Variants in TANGO6 observed in about 807,000 individuals in gnomAD.
The protein encoded by TANGO6 is transport and Golgi organization protein 6 homolog.
Under a neutral mutation model 114.2 loss-of-function variants are expected in TANGO6, and 90 were observed. The observed-to-expected ratio is 0.79, with a 90% confidence interval of 0.66 to 0.94. The LOEUF (loss-of-function observed/expected upper bound fraction) is 0.94. TANGO6 is among the 40% of genes least tolerant of loss of function. The probability of loss-of-function intolerance (pLI) is 0.00; values close to 1 mark genes in which losing one functional copy is unlikely to be tolerated. For synonymous variants in TANGO6, 477 were observed against 509.8 expected (o/e 0.94, Z 0.87); for missense variants, 1,274 against 1,315.3 (o/e 0.97, Z 0.49).
At chr16:68,992,843 T>C (rs948641529) in intron 15 of TANGO6, among the ~76,000 whole-genome samples, 3 of 152,102 alleles carry the variant, frequency 2.0e-5, no homozygotes, top group Admixed American at 2.0e-4. Flanking sequence ...CCAAGGCAGG[T>C]GGACCACCTG....
intron 7 of TANGO6, among the ~76,000 whole-genome samples, chr16:68,889,781 A>G (rs925569293): frequency 1.3e-5 from 2 of 152,204 alleles, no homozygotes; most frequent in African/African-American, 4.8e-5. Flanking sequence ...ACTTTAGGTA[A>G]CTTATTTAAC....
chr16:69,072,026 CGTGTGTGTGTGTGTGTGTGTGTGT>C (rs58310609), intron 17 of TANGO6, among the ~76,000 whole-genome samples: 1 of 92,984 alleles, frequency 1.1e-5, no homozygotes, highest in African/African-American at 4.9e-5. Context: ...AGAGGGAGAC[CGTGTGTGTGTGTGTGTGTGTGTGT>C]GTGTGTGTGT....
intron 15 of TANGO6, among the ~76,000 whole-genome samples, chr16:68,990,709 C>G (rs1388929322): frequency 6.6e-6 from 1 of 152,154 alleles, no homozygotes; most frequent in Non-Finnish European, 1.5e-5. Flanking sequence ...GCCTGGCTAC[C>G]ATTCTCATTC....
chr16:68,977,312 GT>G (rs373558423), intron 15 of TANGO6, among the ~76,000 whole-genome samples: 13,421 of 145,212 alleles, frequency 0.092, 678 homozygotes, highest in African/African-American at 0.14. Flanking sequence ...TTTTGTTTTT[GT>G]TTTTTTTTTT....
rs947524127 is a variant in TANGO6, at chr16:69,020,104, AT to A, written c.2843-2718del. ...CCTAGATGATATTATATTTATATATATTTTTTATACAGAAAATCAAATGTCC... is the reference window on the plus strand; with the variant it reads ...CCTAGATGATATTATATTTATATATATTTTTATACAGAAAATCAAATGTCC... On this transcript the variant is annotated intron_variant, in intron 15 of 17. Coordinates refer to ENST00000261778, the MANE Select transcript of TANGO6 (RefSeq NM_024562.2). Among the ~76,000 whole-genome samples, 7 of 152,120 alleles carry A rather than the reference AT, an allele frequency of 4.6e-5. No homozygotes were observed. The South Asian group carries it at 1.0e-3, about 23-fold the overall frequency.
chr16:69,067,414 G>A (rs902580599), intron 17 of TANGO6, among the ~76,000 whole-genome samples: 6 of 151,302 alleles, frequency 4.0e-5, no homozygotes, highest in African/African-American at 1.5e-4. Flanking sequence ...GGAGGCTGAG[G>A]CAGGAGAATC....
At chr16:68,987,552 A>T (rs1171202582) in intron 15 of TANGO6, among the ~76,000 whole-genome samples, 1 of 152,092 alleles carries the variant, frequency 6.6e-6, no homozygotes, top group Non-Finnish European at 1.5e-5. Context: ...CATTTTTAGT[A>T]GAGACAGTGT....
Position 68,950,480 on chromosome 16 carries a change from G to A in TANGO6, c.2701+20185G>A, listed in dbSNP as rs182352292. Among the ~76,000 whole-genome samples, 832 of 151,948 alleles carry A rather than the reference G, an allele frequency of 5.5e-3. 12 individuals carry two copies. The Middle Eastern group carries it at 0.082, about 15-fold the overall frequency. On this transcript the variant is annotated intron_variant, in intron 14 of 17. Transcript: ENST00000261778. ...CTCTGGAGGCTGAGGCAGGAGAATC[G>A]CTTGAACCTGGGAGGCGGAGGTTGC...
chr16:68,986,247 GGA>G (rs1411186666), intron 15 of TANGO6, among the ~76,000 whole-genome samples: 2 of 152,172 alleles, frequency 1.3e-5, no homozygotes, highest in Non-Finnish European at 2.9e-5. Flanking sequence ...TTTGCTTTTA[GGA>G]GAGATCAGGA....
intron 15 of TANGO6, among the ~76,000 whole-genome samples, chr16:68,974,481 G>A (rs1693427800): frequency 6.6e-6 from 1 of 152,084 alleles, no homozygotes; most frequent in African/African-American, 2.4e-5. Context: ...GGTCCACATG[G>A]TGAAACCCTG....
chr16:68,954,469 C>T (rs930133123), intron 14 of TANGO6, among the ~76,000 whole-genome samples: 1 of 152,000 alleles, frequency 6.6e-6, no homozygotes, highest in Admixed American at 6.6e-5. Flanking sequence ...TTTCATCAAG[C>T]CCTCTCTTAA....
chr16:69,031,547 C>T (rs1052042457), intron 16 of TANGO6, among the ~76,000 whole-genome samples: 6 of 151,798 alleles, frequency 4.0e-5, no homozygotes, highest in Non-Finnish European at 7.4e-5. Context: ...CCAAAAAGTA[C>T]AAAAATTAGC....
At chr16:68,983,896 G>A (rs1186096118) in intron 15 of TANGO6, among the ~76,000 whole-genome samples, 1 of 152,080 alleles carries the variant, frequency 6.6e-6, no homozygotes, top group African/African-American at 2.4e-5. Flanking sequence ...AGCCAGTCGT[G>A]TTGGCGGGTG....
In TANGO6 at chr16:69,083,880, G is replaced by C. The variant is rs1489657492; in HGVS notation, c.*219G>C. 1 of 479,100 alleles carries C rather than the reference G, an allele frequency of 2.1e-6. No individual in the cohort carries two copies. The highest frequency in any genetic ancestry group is 1.9e-5 in the African/African-American group (1 of 51,354). 29.7% of individuals were successfully genotyped at this position (479,100 alleles called of 1,614,324 possible). ...CCTGAGGGGTGTACAGTTAAGAGAA[G>C]ACAGTTACAGATCTCATTAATCTAC... On this transcript the variant is annotated 3_prime_UTR_variant, in exon 18 of 18. Coordinates refer to ENST00000261778, the MANE Select transcript of TANGO6 (RefSeq NM_024562.2).
At chr16:69,057,589 C>T (rs771448971) in intron 17 of TANGO6, among the ~76,000 whole-genome samples, 2 of 152,094 alleles carry the variant, frequency 1.3e-5, no homozygotes, top group Non-Finnish European at 2.9e-5. Flanking sequence ...TTTCTATGTC[C>T]CTGTCACCTG....
At chr16:68,978,553 T>C (rs1963787730) in intron 15 of TANGO6, among the ~76,000 whole-genome samples, 1 of 152,190 alleles carries the variant, frequency 6.6e-6, no homozygotes, top group South Asian at 2.1e-4. Context: ...TTGAAATCCT[T>C]TGAATAACAT....
At chr16:69,010,253 A>G (rs1163670995) in intron 15 of TANGO6, among the ~76,000 whole-genome samples, 1 of 152,232 alleles carries the variant, frequency 6.6e-6, no homozygotes, top group Non-Finnish European at 1.5e-5. Context: ...GCATTGCAGT[A>G]GAATGATCCA....
At chr16:68,845,233 G>C (rs150192750) in intron 1 of TANGO6, among the ~76,000 whole-genome samples, 13,877 of 152,154 alleles carry the variant, frequency 0.091, 771 homozygotes, top group Non-Finnish European at 0.13. Context: ...CTCCCAAAGT[G>C]CTGGGATTAC....
At chr16:68,955,709 A>G (rs1413827706) in intron 14 of TANGO6, among the ~76,000 whole-genome samples, 3 of 152,240 alleles carry the variant, frequency 2.0e-5, no homozygotes, top group African/African-American at 7.2e-5. Context: ...CTGATATACT[A>G]TTAGTAATAC....
Sources: gnomAD v4.1 joint callset for allele counts (sites outside exome capture counted in the v4.1 genomes callset) on GRCh38, gnomAD v4.1.1 for gene constraint, MANE v1.5 for transcripts, NCBI Gene and HGNC (gene_info 2026-07-23, HGNC 2026-07-21) for gene names.